Variants in TRIO observed in about 807,000 individuals in gnomAD.
TRIO encodes trio Rho guanine nucleotide exchange factor, also known as triple functional domain protein.
Under a neutral mutation model 351.9 loss-of-function variants are expected in TRIO, and 58 were observed. The ratio of observed to expected loss-of-function variants is 0.16; its 90% confidence interval spans 0.13 to 0.21. TRIO has a LOEUF of 0.21. TRIO is among the 10% of genes least tolerant of loss of function. TRIO has a pLI of 1.00. For missense variants in TRIO, 3,201 were observed against 4,027.8 expected (o/e 0.79, Z 5.56); for synonymous variants, 1,758 against 1,595.7 (o/e 1.10, Z -2.42).
chr5:14,307,586 C>T (rs1344160505), intron 8 of TRIO, among the ~76,000 whole-genome samples: 2 of 152,316 alleles, frequency 1.3e-5, no homozygotes, highest in East Asian at 1.9e-4. Context: ...CTGACCTCTC[C>T]GGCTATGAGT....
intron 1 of TRIO, among the ~76,000 whole-genome samples, chr5:14,205,546 T>C (rs1791403226): frequency 1.3e-5 from 2 of 152,202 alleles, no homozygotes; most frequent in Non-Finnish European, 2.9e-5. Flanking sequence ...TATGCAGCTG[T>C]AGTTACAATT....
At chr5:14,365,239 A>G (rs1744493269) in intron 15 of TRIO, among the ~76,000 whole-genome samples, 1 of 152,218 alleles carries the variant, frequency 6.6e-6, no homozygotes, top group Non-Finnish European at 1.5e-5. Context: ...GTAATACCAC[A>G]TCCTGATGGC....
At chr5:14,364,505 C>A in intron 14 of TRIO, 145 bp from the exon 15 acceptor site, 1 of 901,020 alleles carries the variant, frequency 1.1e-6, no homozygotes, top group African/African-American at 1.7e-5. Flanking sequence ...CACACTTTGC[C>A]CTCCTTGAAC....
chr5:14,210,336 C>T (rs143409886), intron 1 of TRIO, among the ~76,000 whole-genome samples: 60 of 152,310 alleles, frequency 3.9e-4, no homozygotes, highest in African/African-American at 1.4e-3. Context: ...AATTGTCCAG[C>T]GACCCCAGCC....
At chr5:14,208,874 G>A (rs1165894654) in intron 1 of TRIO, among the ~76,000 whole-genome samples, 4 of 152,166 alleles carry the variant, frequency 2.6e-5, no homozygotes, top group Admixed American at 6.5e-5. Flanking sequence ...GGTTCTAAGG[G>A]TTGCCTCATT....
At chr5:14,403,125 TGTGGTGAGGGTGCAGGTTGTG>T (rs1315257518) in intron 31 of TRIO, among the ~76,000 whole-genome samples, 1 of 111,052 alleles carries the variant, frequency 9.0e-6, no homozygotes, top group Non-Finnish European at 1.9e-5. Flanking sequence ...GGGTGCAGGT[TGTGGTGAGGGTGCAGGTTGTG>T]GTGGTGAGGG....
chr5:14,392,422 G>GA (rs1276887910), intron 27 of TRIO, among the ~76,000 whole-genome samples: 1 of 152,178 alleles, frequency 6.6e-6, no homozygotes, highest in African/African-American at 2.4e-5. Context: ...AAAAAGTCAG[G>GA]AAACAACAGA....
intron 33 of TRIO, among the ~76,000 whole-genome samples, chr5:14,417,603 T>C (rs1416734878): frequency 6.6e-6 from 1 of 152,168 alleles, no homozygotes; most frequent in Non-Finnish European, 1.5e-5. Context: ...CATTTCCTCC[T>C]CCCTTCTCTC....
At chr5:14,447,095 G>T (rs2126398404) in intron 34 of TRIO, among the ~76,000 whole-genome samples, 1 of 152,280 alleles carries the variant, frequency 6.6e-6, no homozygotes, top group South Asian at 2.1e-4. Flanking sequence ...AGTCGGGTGT[G>T]GTGGCGGGCA....
At chr5:14,283,676 G>A (rs970443658) in intron 3 of TRIO, among the ~76,000 whole-genome samples, 1 of 151,970 alleles carries the variant, frequency 6.6e-6, no homozygotes, top group South Asian at 2.1e-4. Context: ...GTCTGGGTCC[G>A]GCACAGTTCA....
chr5:14,225,344 AC>A (rs1792922709), intron 1 of TRIO, among the ~76,000 whole-genome samples: 3 of 152,328 alleles, frequency 2.0e-5, no homozygotes, highest in African/African-American at 7.2e-5. Context: ...ATTACCACAA[AC>A]ATAGCAGCTT....
chr5:14,345,468 TTAATG>T (rs144713829), intron 11 of TRIO, among the ~76,000 whole-genome samples: 1,742 of 152,320 alleles, frequency 0.011, 41 homozygotes, highest in African/African-American at 0.04. Flanking sequence ...TAGGACTTGA[TTAATG>T]TAATGTAAAA....
chr5:14,473,862 G>C (rs994569907), intron 39 of TRIO, 132 bp from the exon 40 acceptor site: 1 of 766,880 alleles, frequency 1.3e-6, no homozygotes, highest in Non-Finnish European at 2.0e-6. Flanking sequence ...TTTTTTGTTT[G>C]TTTTTAGACA....
chr5:14,394,141 T>G lies in TRIO; in HGVS notation c.4311+11T>G. The G allele has an allele frequency of 6.4e-7, 1 of 1,553,398 alleles. No homozygotes were observed. The highest frequency in any genetic ancestry group is 8.9e-7 in the Non-Finnish European group (1 of 1,129,268). On this transcript the variant is annotated intron_variant, in intron 28 of 56. Coordinates refer to ENST00000344204, the MANE Select transcript of TRIO (RefSeq NM_007118.4). ...CAGCTCCTTTTAAAAGTATGTATAATGCGTCTTCAGCCTGTGAAATTTTAT... is the reference window on the plus strand; with the variant it reads ...CAGCTCCTTTTAAAAGTATGTATAAGGCGTCTTCAGCCTGTGAAATTTTAT...
chr5:14,482,895 T>G (rs1445489218), intron 46 of TRIO, 122 bp downstream of exon 46: 1 of 1,017,554 alleles, frequency 9.8e-7, no homozygotes, highest in African/African-American at 1.7e-5. Flanking sequence ...AATTTTCTAG[T>G]ATATTTCAGA....
At chr5:14,505,343 C>T (rs1056917600) in intron 55 of TRIO, among the ~76,000 whole-genome samples, 2 of 152,240 alleles carry the variant, frequency 1.3e-5, no homozygotes, top group African/African-American at 2.4e-5. Context: ...GATTCATCCA[C>T]CCCAAACATC....
intron 1 of TRIO, among the ~76,000 whole-genome samples, chr5:14,178,334 T>A (rs970653775): frequency 6.6e-6 from 1 of 152,212 alleles, no homozygotes; most frequent in African/African-American, 2.4e-5. Flanking sequence ...GGCATAGAGA[T>A]GTTTGCACAG....
chr5:14,461,530 T>C (rs532766476), intron 35 of TRIO, among the ~76,000 whole-genome samples: 80 of 152,144 alleles, frequency 5.3e-4, no homozygotes, highest in Non-Finnish European at 1.1e-3. Context: ...GTGTGGCTTC[T>C]GATTAAAAAC....
At chr5:14,422,754 A>G (rs1020929432) in intron 34 of TRIO, among the ~76,000 whole-genome samples, 45 of 152,236 alleles carry the variant, frequency 3.0e-4, no homozygotes, top group African/African-American at 1.4e-4. Context: ...AAGAAATTCA[A>G]TTACACAATT....
Sources: gnomAD v4.1 joint callset for allele counts (sites outside exome capture counted in the v4.1 genomes callset) on GRCh38, gnomAD v4.1.1 for gene constraint, MANE v1.5 for transcripts, NCBI Gene and HGNC (gene_info 2026-07-23, HGNC 2026-07-21) for gene names.